YAE1: variants seen among roughly 807,000 people sequenced by gnomAD.
YAE1 encodes the protein YAE1 maturation factor of ABCE1, also known as protein YAE1 homolog.
In YAE1, 22 loss-of-function variants were observed where a neutral mutation model predicts 23.0. The observed-to-expected ratio is 0.96, with a 90% confidence interval of 0.68 to 1.37. YAE1 has a LOEUF of 1.37. Ranked by LOEUF, YAE1 falls within the 40% of genes most tolerant of loss-of-function variation. The pLI, the probability that YAE1 is intolerant of heterozygous loss-of-function variation, is 0.00. For missense variants in YAE1, 260 were observed against 262.1 expected (o/e 0.99, Z 0.06); for synonymous variants, 101 against 97.0 (o/e 1.04, Z -0.24).
Position 39,572,422 on chromosome 7 carries a change from T to G in YAE1, c.397T>G (p.Leu133Val). 1 of 1,614,172 alleles carries G rather than the reference T, an allele frequency of 6.2e-7. No individual in the cohort carries two copies. Among genetic ancestry groups the G allele is most frequent in the Non-Finnish European group, 8.5e-7 (1 of 1,179,992 alleles). Residue 133 changes from leucine (L) to valine (V), a missense_variant, in exon 3 of 3, where the codon TTA becomes GTA. By Grantham distance (32) the Leu-to-Val change is conservative. Coordinates refer to ENST00000223273, the MANE Select transcript of YAE1 (RefSeq NM_020192.5). ...CACTCCACCGTCCCATGTTGTAGATTTATTGGACTCCATTGAGGATATGGA... is the reference window on the plus strand; with the variant it reads ...CACTCCACCGTCCCATGTTGTAGATGTATTGGACTCCATTGAGGATATGGA... ...SITPPSHVVD[L>V]LDSIEDMDLC... is the part of the protein sequence containing the mutation.
chr7:39,571,725 T>G (rs541297411), intron 2 of YAE1, among the ~76,000 whole-genome samples: 67 of 152,316 alleles, frequency 4.4e-4, no homozygotes, highest in East Asian at 1.9e-3. Flanking sequence ...TAGAAGAATT[T>G]TTACCTTTTT....
At chr7:39,573,011 A>G, downstream of YAE1, 1 of 625,132 alleles carries the variant, frequency 1.6e-6, no homozygotes, top group Non-Finnish European at 2.1e-6. Flanking sequence ...AACAAGAATT[A>G]AACATATTTT....
intron 2 of YAE1, among the ~76,000 whole-genome samples, chr7:39,579,090 A>T (rs192289808): frequency 6.6e-6 from 1 of 152,324 alleles, no homozygotes; most frequent in East Asian, 1.9e-4. Flanking sequence ...GAGGGGAAGT[A>T]ATGGTTAACG....
chr7:39,569,948 A>G, intron 1 of YAE1: 1 of 1,325,444 alleles, frequency 7.5e-7, no homozygotes, highest in Non-Finnish European at 1.1e-6. Flanking sequence ...GCTCTGTGAC[A>G]TCTACTTTCA....
intron 2 of YAE1, among the ~76,000 whole-genome samples, chr7:39,600,749 A>G (rs1479875705): frequency 6.6e-6 from 1 of 152,180 alleles, no homozygotes; most frequent in Non-Finnish European, 1.5e-5. Context: ...CACTAGGGAG[A>G]ACGCCACGTG....
chr7:39,583,531 G>A (rs1413192809), intron 2 of YAE1, among the ~76,000 whole-genome samples: 1 of 152,172 alleles, frequency 6.6e-6, no homozygotes, highest in Non-Finnish European at 1.5e-5. Context: ...ACTTAACATA[G>A]ATTTGAAAGA....
downstream of YAE1, among the ~76,000 whole-genome samples, chr7:39,575,525 G>A (rs144083182): frequency 6.9e-6 from 1 of 145,076 alleles, no homozygotes; most frequent in African/African-American, 2.6e-5. Context: ...TAAGTTTCCA[G>A]TCTAAGATAC....
intron 2 of YAE1, among the ~76,000 whole-genome samples, chr7:39,578,401 T>A (rs1032646751): frequency 6.6e-6 from 1 of 152,248 alleles, no homozygotes; most frequent in African/African-American, 2.4e-5. Context: ...AGTTGCAGGC[T>A]GCCCAAGGGT....
intron 1 of YAE1, among the ~76,000 whole-genome samples, chr7:39,568,193 A>C (rs569564155): frequency 1.3e-5 from 2 of 152,090 alleles, no homozygotes; most frequent in South Asian, 4.2e-4. Context: ...AGCTGAGGTC[A>C]TGCCACTGCA....
downstream of YAE1, chr7:39,610,464 T>A: frequency 2.6e-5 from 11 of 428,114 alleles, no homozygotes; most frequent in South Asian, 1.9e-4. Context: ...CACAGGTATA[T>A]CTTTCTTTTC....
At chr7:39,605,932 T>C (rs886140415) in intron 2 of YAE1, among the ~76,000 whole-genome samples, 2 of 152,032 alleles carry the variant, frequency 1.3e-5, no homozygotes. Context: ...TCATCAGAGT[T>C]CTTTTTTTTG....
intron 1 of YAE1, among the ~76,000 whole-genome samples, chr7:39,568,711 GT>G (rs1383987618): frequency 6.6e-6 from 1 of 152,080 alleles, no homozygotes; most frequent in Non-Finnish European, 1.5e-5. Context: ...AATGTAACCC[GT>G]AATAAATAAG....
At chr7:39,596,035 A>G (rs949569391) in intron 2 of YAE1, among the ~76,000 whole-genome samples, 3 of 152,192 alleles carry the variant, frequency 2.0e-5, no homozygotes, top group Non-Finnish European at 4.4e-5. Context: ...GGTCTTAACA[A>G]TAGAGCTACA....
At chr7:39,575,581 A>AGAGAGAGT (rs1649632726), downstream of YAE1, among the ~76,000 whole-genome samples, 11 of 105,436 alleles carry the variant, frequency 1.0e-4, no homozygotes, top group African/African-American at 6.1e-4. Flanking sequence ...AGAGAGAGTG[A>AGAGAGAGT]GTGTGTGTGT....
At chr7:39,607,587 C>G (rs1234521664) in intron 2 of YAE1, among the ~76,000 whole-genome samples, 1 of 152,214 alleles carries the variant, frequency 6.6e-6, no homozygotes, top group Non-Finnish European at 1.5e-5. Context: ...AGATAATACA[C>G]TTTTTGTTGT....
Position 39,572,397 on chromosome 7 carries a change from C to T in YAE1, c.372C>T (p.Ile124=), listed in dbSNP as rs1790584365. ...ATGTGCTCAAACATCTGAAATCAAT[C>T]ACTCCACCGTCCCATGTTGTAGATT... is the stretch of plus-strand genomic sequence containing the variant. ...EEYVLKHLKS[I]TPPSHVVDLL... is the part of the protein sequence containing the mutation. The change falls in exon 3 of 3, where the codon ATC becomes ATT. Residue 124 remains isoleucine (I), a synonymous_variant. Transcript: ENST00000223273. The T allele has an allele frequency of 6.2e-7, 1 of 1,614,036 alleles. No homozygotes were observed. Among genetic ancestry groups the T allele is most frequent in the African/African-American group, 1.3e-5 (1 of 74,938 alleles).
chr7:39,598,204 G>T (rs910216077), intron 2 of YAE1, among the ~76,000 whole-genome samples: 10 of 151,966 alleles, frequency 6.6e-5, no homozygotes, highest in African/African-American at 2.4e-4. Flanking sequence ...CCGCCTCCCA[G>T]GTTCAAGCGA....
At chr7:39,610,310 T>A in exon 3 of YAE1, 1 of 488,010 alleles carries the variant, frequency 2.0e-6, no homozygotes, top group Non-Finnish European at 3.9e-6. Context: ...CGGTACCAGG[T>A]TTGACCTCAA....
chr7:39,606,146 T>C (rs983375877), intron 2 of YAE1, among the ~76,000 whole-genome samples: 14 of 152,282 alleles, frequency 9.2e-5, no homozygotes, highest in Middle Eastern at 3.4e-3. Context: ...CAATTGTTTT[T>C]CTTCCTTTGT....
Sources: allele counts gnomAD v4.1 joint callset (sites outside exome capture counted in the v4.1 genomes callset), GRCh38; gene constraint gnomAD v4.1.1; transcripts MANE v1.5; gene names NCBI Gene and HGNC (gene_info 2026-07-23, HGNC 2026-07-21).